Variants in THSD4 observed in about 807,000 individuals in gnomAD.
THSD4 encodes the protein thrombospondin type 1 domain containing 4.
A neutral mutation model predicts 119.0 loss-of-function variants in THSD4; 69 were observed. That is an observed-to-expected ratio of 0.58 (90% confidence interval 0.48 to 0.71). THSD4 has a LOEUF of 0.71. Among genes scored for constraint, THSD4 ranks in the 30% least tolerant of loss-of-function variants. The pLI is 0.00. For synonymous variants in THSD4, 524 were observed against 540.4 expected, an observed-to-expected ratio of 0.97 and a Z score of 0.42; for missense variants, 1,393 against 1,391.1, an observed-to-expected ratio of 1.00 and a Z score of -0.02.
intron 4 of THSD4, among the ~76,000 whole-genome samples, chr15:71,239,624 C>T (rs1038317322): frequency 6.6e-6 from 1 of 152,178 alleles, no homozygotes; most frequent in Non-Finnish European, 1.5e-5. Context: ...AGTAAAATCC[C>T]AGAGATGGGT....
chr15:71,608,239 T>C (rs1363900172), intron 7 of THSD4, among the ~76,000 whole-genome samples: 1 of 66,978 alleles, frequency 1.5e-5, no homozygotes, highest in Non-Finnish European at 3.3e-5. Context: ...AAAAAAAAAA[T>C]ATATATATAT....
At chr15:71,434,754 GATTTCTAACC>G (rs948155901) in intron 7 of THSD4, among the ~76,000 whole-genome samples, 1 of 152,144 alleles carries the variant, frequency 6.6e-6, no homozygotes, top group African/African-American at 2.4e-5. Context: ...TAATGAAGCT[GATTTCTAACC>G]ATTTCTAACC....
At chr15:71,111,355 A>G (rs201901254), upstream of THSD4, 1 of 1,613,756 alleles carries the variant, frequency 6.2e-7, no homozygotes, top group Non-Finnish European at 8.5e-7. Context: ...GTTGTGGGTT[A>G]CAGGTCAAGT....
intron 7 of THSD4, among the ~76,000 whole-genome samples, chr15:71,621,297 C>T (rs970395166): frequency 1.3e-5 from 2 of 152,058 alleles, no homozygotes; most frequent in Non-Finnish European, 1.5e-5. Flanking sequence ...TGAAAACAAG[C>T]GTACATTTTT....
intron 7 of THSD4, among the ~76,000 whole-genome samples, chr15:71,418,205 A>T (rs1402039442): frequency 9.2e-6 from 1 of 108,258 alleles, no homozygotes; most frequent in African/African-American, 3.1e-5. Flanking sequence ...ATCTGCAAAC[A>T]AGGGTAATTT....
rs564305628 is a variant in THSD4 at position 71,765,044 on chromosome 15, A to G, written c.2614A>G (p.Thr872Ala). The G allele has an allele frequency of 1.2e-6, 2 of 1,614,138 alleles. No individual in the cohort carries two copies. The highest frequency in any genetic ancestry group is 1.7e-5 in the Admixed American group (1 of 60,030). Residue 872 changes from threonine (T) to alanine (A), a missense_variant, in exon 16 of 18, where the codon ACG (threonine) becomes GCG (alanine). Transcript: ENST00000261862. Reference protein sequence around the residue: ...SQCSIECGSGTQQREVICVRK... With the variant: ...SQCSIECGSGAQQREVICVRK... ...GTGTTCCATCGAGTGTGGGAGCGGG[A>G]CGCAACAGAGGGAGGTGATTTGTGT...
At chr15:71,153,318 G>T (rs1031080179) in intron 2 of THSD4, among the ~76,000 whole-genome samples, 2 of 152,200 alleles carry the variant, frequency 1.3e-5, no homozygotes, top group Admixed American at 1.3e-4. Flanking sequence ...GCATACAGGT[G>T]GGAGGTGAGT....
intron 6 of THSD4, among the ~76,000 whole-genome samples, chr15:71,294,085 T>C (rs2044829266): frequency 6.6e-6 from 1 of 152,214 alleles, no homozygotes; most frequent in Non-Finnish European, 1.5e-5. Flanking sequence ...CCTTCTGTTC[T>C]CATTTATCTT....
chr15:71,120,680 A>G (rs1440654349), intron 1 of THSD4, among the ~76,000 whole-genome samples: 3 of 152,238 alleles, frequency 2.0e-5, no homozygotes, highest in African/African-American at 7.2e-5. Context: ...GCCAGGGGAA[A>G]TGAAGGGCCA....
intron 8 of THSD4, among the ~76,000 whole-genome samples, chr15:71,663,043 G>T (rs1204353817): frequency 6.6e-6 from 1 of 152,064 alleles, no homozygotes; most frequent in Non-Finnish European, 1.5e-5. Flanking sequence ...GAAGTCAAGA[G>T]TTCACGACCA....
chr15:71,483,835 A>G (rs2140674780), intron 7 of THSD4, among the ~76,000 whole-genome samples: 1 of 143,070 alleles, frequency 7.0e-6, no homozygotes, highest in South Asian at 2.2e-4. Context: ...CTTGTAAGTG[A>G]GAACATGCGG....
At position 71,758,019 on chromosome 15, in the gene THSD4, T is replaced by C. The variant is rs1567138898; in HGVS notation, c.2533T>C (p.Cys845Arg). Reference protein sequence around the residue: ...GNNRPAEATPCDNGPCTGKVE... With the variant: ...GNNRPAEATPRDNGPCTGKVE... ...CAACCGGCCGGCAGAGGCCACCCCA[T>C]GTGACAACGGACCCTGCACGGGCAA... Residue 845 changes from cysteine (C) to arginine (R), a missense_variant, in exon 15 of 18, where the codon TGT becomes CGT. Transcript: ENST00000261862. 6.2e-7 allele frequency: 1 copy of C among 1,612,586 alleles called. No homozygotes were observed. The highest frequency in any genetic ancestry group is 8.5e-7 in the Non-Finnish European group (1 of 1,179,360).
intron 7 of THSD4, among the ~76,000 whole-genome samples, chr15:71,482,960 A>G (rs550708081): frequency 2.0e-5 from 3 of 152,264 alleles, no homozygotes; most frequent in Non-Finnish European, 4.4e-5. Context: ...AGTTCAACTT[A>G]TATCTCATTG....
At chr15:71,703,893 A>C (rs945586548) in intron 8 of THSD4, among the ~76,000 whole-genome samples, 1 of 152,162 alleles carries the variant, frequency 6.6e-6, no homozygotes. Context: ...TCTGTCGCCC[A>C]GGCTGGAGTG....
At chr15:71,675,408 C>T (rs1382592558) in intron 8 of THSD4, among the ~76,000 whole-genome samples, 1 of 152,170 alleles carries the variant, frequency 6.6e-6, no homozygotes, top group Non-Finnish European at 1.5e-5. Context: ...TGAGGCCGTG[C>T]AATCCTTGAA....
At chr15:71,422,354 G>A (rs1227374278) in intron 7 of THSD4, among the ~76,000 whole-genome samples, 1 of 152,168 alleles carries the variant, frequency 6.6e-6, no homozygotes, top group Non-Finnish European at 1.5e-5. Flanking sequence ...GGACTTGGGT[G>A]TTGTGATCTA....
chr15:71,327,180 A>C (rs11856367), intron 6 of THSD4, among the ~76,000 whole-genome samples: 8,011 of 152,142 alleles, frequency 0.053, 220 homozygotes, highest in Non-Finnish European at 0.063. Flanking sequence ...AACAAAACAA[A>C]AAACCAGCTC....
chr15:71,450,176 C>T (rs543630260), intron 7 of THSD4, among the ~76,000 whole-genome samples: 135 of 152,268 alleles, frequency 8.9e-4, no homozygotes, highest in African/African-American at 3.0e-3. Context: ...TAACCCGCTG[C>T]GCCTTGAGTC....
intron 6 of THSD4, among the ~76,000 whole-genome samples, chr15:71,288,221 A>G (rs1037452827): frequency 2.6e-5 from 4 of 152,218 alleles, no homozygotes; most frequent in Admixed American, 6.5e-5. Context: ...ATGTGAAAAG[A>G]GATAACGGCA....
Sources: allele counts gnomAD v4.1 joint callset (sites outside exome capture counted in the v4.1 genomes callset), GRCh38; gene constraint gnomAD v4.1.1; transcripts MANE v1.5; gene names NCBI Gene and HGNC (gene_info 2026-07-23, HGNC 2026-07-21).